RAD54L: variants seen among roughly 807,000 people sequenced by gnomAD.
RAD54L encodes RAD54 like.
Under a neutral mutation model 91.6 loss-of-function variants are expected in RAD54L, and 74 were observed. The observed-to-expected ratio is 0.81, with a 90% confidence interval of 0.67 to 0.98. RAD54L has a LOEUF of 0.98. RAD54L is among the 50% of genes least tolerant of loss of function. The pLI is 0.00. For synonymous variants in RAD54L, 304 were observed against 349.7 expected, an observed-to-expected ratio of 0.87 and a Z score of 1.46; for missense variants, 887 against 945.7, an observed-to-expected ratio of 0.94 and a Z score of 0.81.
intron 14 of RAD54L, 127 bp downstream of exon 14, chr1:46,273,874 T>TGGAGA: frequency 7.3e-7 from 1 of 1,362,864 alleles, no homozygotes; most frequent in East Asian, 2.5e-5. Context: ...ATATCTTCCC[T>TGGAGA]TATTGCTATG....
intron 16 of RAD54L, among the ~76,000 whole-genome samples, chr1:46,275,239 T>C (rs1197818244): frequency 1.3e-5 from 2 of 152,220 alleles, no homozygotes; most frequent in African/African-American, 4.8e-5. Flanking sequence ...TTGAGGACCA[T>C]GTGGTTATCC....
chr1:46,262,915 A>G (rs1221624541), intron 8 of RAD54L, among the ~76,000 whole-genome samples: 2 of 152,166 alleles, frequency 1.3e-5, no homozygotes, highest in East Asian at 3.9e-4. Context: ...TGTGACCTTC[A>G]ACAAGTTACT....
intron 10 of RAD54L, 59 bp downstream of exon 10, chr1:46,270,844 TTGGG>T: frequency 2.7e-5 from 44 of 1,607,162 alleles, no homozygotes; most frequent in Non-Finnish European, 3.7e-5. Context: ...GGCCAATCCT[TTGGG>T]GGCTTTGCCT....
Position 46,248,331 on chromosome 1 carries a change from C to G in RAD54L, c.-75C>G. ...CCCCCTCTACAGATTAGACCCTGGT[C>G]CTACACTCTTAGCCGCTGCCTGCTT... On this transcript the variant is annotated 5_prime_UTR_variant, in exon 1 of 18. Coordinates refer to ENST00000371975, the MANE Select transcript of RAD54L (RefSeq NM_003579.4). 1 of 1,580,798 alleles carries G rather than the reference C, an allele frequency of 6.3e-7. No individual in the cohort carries two copies. The highest frequency in any genetic ancestry group is 8.7e-7 in the Non-Finnish European group (1 of 1,153,228).
At chr1:46,262,508 A>G (rs1297803136) in intron 8 of RAD54L, among the ~76,000 whole-genome samples, 1 of 152,222 alleles carries the variant, frequency 6.6e-6, no homozygotes, top group East Asian at 1.9e-4. Flanking sequence ...GGGCAAGAGC[A>G]GGCAGGAGGG....
intron 3 of RAD54L, among the ~76,000 whole-genome samples, chr1:46,254,712 G>C (rs545524511): frequency 9.2e-5 from 14 of 151,860 alleles, no homozygotes; most frequent in Non-Finnish European, 1.8e-4. Flanking sequence ...TCAGCCTCTG[G>C]AGTAGCTAGG....
At chr1:46,262,729 T>C (rs1304396770) in intron 8 of RAD54L, among the ~76,000 whole-genome samples, 1 of 152,138 alleles carries the variant, frequency 6.6e-6, no homozygotes, top group Non-Finnish European at 1.5e-5. Context: ...GCGTTCTATC[T>C]GCAGCTATCT....
chr1:46,273,160 T>C (rs1382104274), intron 12 of RAD54L, among the ~76,000 whole-genome samples, 195 bp from the exon 13 acceptor site: 1 of 152,136 alleles, frequency 6.6e-6, no homozygotes, highest in African/African-American at 2.4e-5. Flanking sequence ...GAGAACACAT[T>C]AGTGAGTGAG....
chr1:46,250,238 T>C, intron 3 of RAD54L, 119 bp downstream of exon 3: 1 of 1,420,496 alleles, frequency 7.0e-7, no homozygotes, highest in Non-Finnish European at 9.8e-7. Flanking sequence ...CACACATCTG[T>C]AGGGGCTTTG....
rs542151899 is a variant in RAD54L at position 46,269,207 on chromosome 1, G to C, written c.1043-1452G>C. Among the ~76,000 whole-genome samples the C allele has an allele frequency of 3.3e-5, 5 of 151,852 alleles. No homozygotes were observed. The East Asian group carries it at 9.7e-4, about 29-fold the overall frequency. ...TTGCTCTATTTATGGACTCTATTCTGTTCCTCTGGTCCGTTTGTCTCCTTG... is the reference window on the plus strand; with the variant it reads ...TTGCTCTATTTATGGACTCTATTCTCTTCCTCTGGTCCGTTTGTCTCCTTG... On this transcript the variant is annotated intron_variant, in intron 9 of 17. Transcript: ENST00000371975.
intron 3 of RAD54L, among the ~76,000 whole-genome samples, chr1:46,255,492 CTTTTTTTTTTTT>C (rs869103738): frequency 2.5e-5 from 2 of 80,826 alleles, no homozygotes; most frequent in African/African-American, 9.0e-5. Flanking sequence ...TTGGCCATTC[CTTTTTTTTTTTT>C]TTTTTTTTTT....
At chr1:46,253,398 G>A (rs1659854032) in intron 3 of RAD54L, among the ~76,000 whole-genome samples, 1 of 152,178 alleles carries the variant, frequency 6.6e-6, no homozygotes, top group Admixed American at 6.5e-5. Context: ...CGGATCACAA[G>A]GTCAGGAGAT....
At chr1:46,266,185 G>A (rs1660261714) in intron 8 of RAD54L, among the ~76,000 whole-genome samples, 1 of 152,202 alleles carries the variant, frequency 6.6e-6, no homozygotes, top group Non-Finnish European at 1.5e-5. Flanking sequence ...CCAGCATTAG[G>A]AGTGACAAGG....
intron 9 of RAD54L, among the ~76,000 whole-genome samples, chr1:46,269,799 C>A (rs934650431): frequency 6.6e-6 from 1 of 152,064 alleles, no homozygotes; most frequent in Admixed American, 6.6e-5. Flanking sequence ...TTGTTTAGGT[C>A]ATCTTTAATT....
rs76997150 is a variant in RAD54L at position 46,250,298 on chromosome 1, T to C, written c.210+179T>C. On this transcript the variant is annotated intron_variant, in intron 3 of 17. Transcript: ENST00000371975. Reference sequence around the variant, plus strand: ...TGCTTAGAGAGGTGTGCCTGACTTGTGCCTGGTTTATAGTAGCTACATGGG... The same window carrying C: ...TGCTTAGAGAGGTGTGCCTGACTTGCGCCTGGTTTATAGTAGCTACATGGG... 5.5e-4 allele frequency among the ~76,000 whole-genome samples: 84 copies of C among 152,282 alleles called. 1 individual carries two copies. The East Asian group carries it at 0.014, about 25-fold the overall frequency.
chr1:46,264,611 G>A lies in RAD54L; in HGVS notation c.892-2848G>A, dbSNP rs143960016. On this transcript the variant is annotated intron_variant, in intron 8 of 17. Transcript: ENST00000371975. ...ACAGATCAAGAGAGGATATATGGGA[G>A]CACTTTGTACAAGTGTATAAATAGC... is the stretch of plus-strand genomic sequence containing the variant. 2.2e-3 allele frequency among the ~76,000 whole-genome samples: 339 copies of A among 152,364 alleles called. 1 individual carries two copies. The highest frequency in any genetic ancestry group is 8.0e-3 in the African/African-American group (332 of 41,590).
rs1557707887 is a variant in RAD54L, at chr1:46,273,657, TGACCCG to T, written c.1521_1526del (p.Thr508_Arg509del). 6.2e-7 allele frequency: 1 copy of T among 1,613,972 alleles called. No homozygotes were observed. Among genetic ancestry groups the T allele is most frequent in the East Asian group, 2.2e-5 (1 of 44,876 alleles). Reference sequence around the variant, plus strand: ...CTGGTCCTGGATTATATTCTGGCGGTGACCCGAAGCCGTAGCAGTGACAAAGTAGTG... The same window carrying T: ...CTGGTCCTGGATTATATTCTGGCGGTAAGCCGTAGCAGTGACAAAGTAGTG... On this transcript the variant is annotated inframe_deletion, in exon 14 of 18. Transcript: ENST00000371975.
At chr1:46,268,382 A>T (rs1274503117) in intron 9 of RAD54L, among the ~76,000 whole-genome samples, 1 of 152,140 alleles carries the variant, frequency 6.6e-6, no homozygotes, top group Non-Finnish European at 1.5e-5. Flanking sequence ...AACCACACAT[A>T]TATTTGTGAA....
At chr1:46,253,958 T>C (rs1255692198) in intron 3 of RAD54L, among the ~76,000 whole-genome samples, 1 of 151,974 alleles carries the variant, frequency 6.6e-6, no homozygotes, top group Non-Finnish European at 1.5e-5. Context: ...TTTATACCAA[T>C]GCAGTCTTTT....
Sources: allele counts gnomAD v4.1 joint callset (sites outside exome capture counted in the v4.1 genomes callset), GRCh38; gene constraint gnomAD v4.1.1; transcripts MANE v1.5; gene names NCBI Gene and HGNC (gene_info 2026-07-23, HGNC 2026-07-21).